Variants in NFIB observed in about 807,000 individuals in gnomAD.
NFIB encodes nuclear factor 1 B-type.
In NFIB, 11 loss-of-function variants were observed where a neutral mutation model predicts 61.5. The ratio of observed to expected loss-of-function variants is 0.18; its 90% confidence interval spans 0.11 to 0.30. The LOEUF (loss-of-function observed/expected upper bound fraction) is 0.30, where lower values mean the gene tolerates loss of function less well. Ranked by LOEUF, NFIB falls within the 10% of genes least tolerant of loss-of-function variation. The probability of loss-of-function intolerance (pLI) is 1.00; values close to 1 mark genes in which losing one functional copy is unlikely to be tolerated. For synonymous variants in NFIB, 260 were observed against 216.5 expected, an observed-to-expected ratio of 1.20 and a Z score of -1.76; for missense variants, 471 against 608.9, an observed-to-expected ratio of 0.77 and a Z score of 2.38.
chr9:14,474,449 C>T, the NFIB span, among the ~76,000 whole-genome samples: 5 of 152,152 alleles, frequency 3.3e-5, no homozygotes, highest in African/African-American at 7.2e-5. Flanking sequence ...TTTTAACATA[C>T]GAATTTTGGA....
chr9:14,116,688 T>G (rs2038196117), intron 8 of NFIB, among the ~76,000 whole-genome samples: 1 of 152,240 alleles, frequency 6.6e-6, no homozygotes, highest in Admixed American at 6.5e-5. Flanking sequence ...ATGGAATTCC[T>G]TACTGAACTA....
the NFIB span, among the ~76,000 whole-genome samples, chr9:14,491,688 T>C: frequency 6.6e-5 from 10 of 152,208 alleles, no homozygotes; most frequent in African/African-American, 1.2e-4. Flanking sequence ...TTCTTATCTA[T>C]TGAGTTTTTT....
intron 2 of NFIB, among the ~76,000 whole-genome samples, chr9:14,197,669 A>G (rs1277706688): frequency 1.3e-5 from 2 of 152,230 alleles, no homozygotes; most frequent in Non-Finnish European, 1.5e-5. Flanking sequence ...TTGGAACTCA[A>G]GGCTATAGGT....
At chr9:14,417,078 G>A in the NFIB span, among the ~76,000 whole-genome samples, 1 of 150,850 alleles carries the variant, frequency 6.6e-6, no homozygotes, top group Non-Finnish European at 1.5e-5. Flanking sequence ...ATCTTTAGTA[G>A]AGACAGGGTT....
chr9:14,442,759 C>A, the NFIB span, among the ~76,000 whole-genome samples: 3 of 152,150 alleles, frequency 2.0e-5, no homozygotes, highest in African/African-American at 7.2e-5. Flanking sequence ...TGAATAAGGT[C>A]ACATTCTGAG....
chr9:14,429,141 C>T, the NFIB span, among the ~76,000 whole-genome samples: 2 of 152,110 alleles, frequency 1.3e-5, no homozygotes, highest in South Asian at 4.1e-4. Context: ...ATCAGAGTGG[C>T]ACAACCCAAG....
chr9:14,105,926 T>TTA (rs1342831263), intron 10 of NFIB, among the ~76,000 whole-genome samples: 1 of 152,140 alleles, frequency 6.6e-6, no homozygotes, highest in African/African-American at 2.4e-5. Flanking sequence ...TGGTGATTCC[T>TTA]TAGTTTCTGT....
the NFIB span, among the ~76,000 whole-genome samples, chr9:14,463,229 G>C: frequency 2.0e-5 from 3 of 151,322 alleles, no homozygotes; most frequent in African/African-American, 4.8e-5. Flanking sequence ...TATGGTAATA[G>C]CAAGAAAAGC....
chr9:14,083,111 AC>A lies in NFIB; in HGVS notation c.*5197del, dbSNP rs1419381411. ...CTTTTATTATTAAAAAAAAAAAAAA[AC>A]TACTTACAACCATTGAAGAAAAAAT... is the stretch of plus-strand genomic sequence containing the variant. On this transcript the variant is annotated 3_prime_UTR_variant, in exon 11 of 11. Transcript: ENST00000380953. 5.1e-5 allele frequency: 10 copies of A among 197,274 alleles called. No homozygotes were observed. Among genetic ancestry groups the A allele is most frequent in the East Asian group, 4.5e-4 (6 of 13,422 alleles). The allele number at this position is 197,274 out of a possible 1,614,324, so 12.2% of individuals were successfully genotyped here. A position where few individuals can be genotyped will look rare whatever the true frequency, so the allele number is the denominator to read the frequency against.
intron 5 of NFIB, among the ~76,000 whole-genome samples, chr9:14,149,664 AC>A (rs2042643442): frequency 1.3e-5 from 2 of 152,196 alleles, no homozygotes; most frequent in Non-Finnish European, 2.9e-5. Context: ...TAGTCAAAAA[AC>A]ATCAACTAAT....
At chr9:14,150,431 T>C (rs747442873) in intron 4 of NFIB, among the ~76,000 whole-genome samples, 166 bp from the exon 5 acceptor site, 38 of 152,166 alleles carry the variant, frequency 2.5e-4, no homozygotes, top group Admixed American at 7.2e-4. Flanking sequence ...CCTGAAAACT[T>C]GCTCACCTTA....
chr9:14,306,118 A>G, intron 2 of NFIB: 1 of 412,950 alleles, frequency 2.4e-6, no homozygotes, highest in Non-Finnish European at 4.1e-6. Flanking sequence ...TTTAGGTAAA[A>G]TGTATACCAT....
At chr9:14,358,624 G>C (rs2061204358) in intron 1 of NFIB, among the ~76,000 whole-genome samples, 1 of 152,128 alleles carries the variant, frequency 6.6e-6, no homozygotes, top group African/African-American at 2.4e-5. Context: ...TCCTTCTTTA[G>C]GTAGTAGCAC....
intron 9 of NFIB, among the ~76,000 whole-genome samples, chr9:14,115,948 T>C (rs763518860): frequency 2.0e-5 from 3 of 152,238 alleles, no homozygotes; most frequent in African/African-American, 7.2e-5. Flanking sequence ...ATTTTTGTTA[T>C]AGCTGTTAAC....
the NFIB span, among the ~76,000 whole-genome samples, chr9:14,511,243 C>T: frequency 6.6e-6 from 1 of 151,930 alleles, no homozygotes; most frequent in Non-Finnish European, 1.5e-5. Flanking sequence ...CTTATGTATT[C>T]ATAGTTCGTT....
intron 2 of NFIB, among the ~76,000 whole-genome samples, chr9:14,242,982 G>T (rs947755338): frequency 1.2e-4 from 19 of 152,234 alleles, no homozygotes; most frequent in African/African-American, 4.1e-4. Context: ...AGATAAGAGG[G>T]TTTACCAAAT....
intron 2 of NFIB, among the ~76,000 whole-genome samples, chr9:14,295,209 A>T (rs1273180393): frequency 6.6e-6 from 1 of 152,106 alleles, no homozygotes; most frequent in African/African-American, 2.4e-5. Flanking sequence ...TGGCAATAAA[A>T]TCAAAACAAT....
At chr9:14,370,954 G>T (rs990181626) in intron 1 of NFIB, among the ~76,000 whole-genome samples, 1 of 152,160 alleles carries the variant, frequency 6.6e-6, no homozygotes, top group Non-Finnish European at 1.5e-5. Flanking sequence ...AATTAGCCGG[G>T]CATGATGGTG....
chr9:14,081,992 C>T lies in NFIB; in HGVS notation c.*6317G>A. 4.8e-6 allele frequency: 1 copy of T among 209,572 alleles called. No individual in the cohort carries two copies. The highest frequency in any genetic ancestry group is 9.7e-6 in the Non-Finnish European group (1 of 102,716). The allele number at this position is 209,572 out of a possible 1,614,324, so 13.0% of individuals were successfully genotyped here. ...ATCACATTAAGTCAAGCTTGATTTA[C>T]ACCAGTTTAAAACTTGTGGCAATTG... On this transcript the variant is annotated 3_prime_UTR_variant, in exon 11 of 11. Transcript: ENST00000380953.
Sources: gnomAD v4.1 joint callset for allele counts (sites outside exome capture counted in the v4.1 genomes callset) on GRCh38, gnomAD v4.1.1 for gene constraint, MANE v1.5 for transcripts, NCBI Gene and HGNC (gene_info 2026-07-23, HGNC 2026-07-21) for gene names.